The following ERAP1 variants were observed in gnomAD, a reference collection of about 807,000 sequenced individuals.
The protein encoded by ERAP1 is endoplasmic reticulum aminopeptidase 1.
In ERAP1, 86 loss-of-function variants were observed where a neutral mutation model predicts 103.7. The observed-to-expected ratio is 0.83, with a 90% confidence interval of 0.70 to 0.99. The LOEUF (loss-of-function observed/expected upper bound fraction) is 0.99, where lower values mean the gene tolerates loss of function less well. ERAP1 is among the 50% of genes least tolerant of loss of function. ERAP1 has a pLI of 0.00. For missense variants in ERAP1, 1,009 were observed against 1,128.4 expected (o/e 0.89, Z 1.52); for synonymous variants, 398 against 402.4 (o/e 0.99, Z 0.13).
intron 13 of ERAP1, 151 bp from the exon 14 acceptor site, chr5:96,784,231 A>G: frequency 1.3e-6 from 1 of 796,572 alleles, no homozygotes; most frequent in Non-Finnish European, 2.0e-6. Context: ...GCGGTGGCTC[A>G]TGCCTGTAAT....
At chr5:96,898,611 T>G in the ERAP1 span, among the ~76,000 whole-genome samples, 90,648 of 146,168 alleles carry the variant, frequency 0.62, 28,284 homozygotes, top group Middle Eastern at 0.73. Context: ...GTCTGGTGGA[T>G]CACCTGTAAT....
chr5:96,832,052 G>A, the ERAP1 span, among the ~76,000 whole-genome samples: 2 of 152,206 alleles, frequency 1.3e-5, no homozygotes, highest in Non-Finnish European at 2.9e-5. Context: ...CTAAGAGATG[G>A]GGAAATCCTG....
At chr5:96,818,790 A>G in the ERAP1 span, among the ~76,000 whole-genome samples, 1 of 152,156 alleles carries the variant, frequency 6.6e-6, no homozygotes, top group African/African-American at 2.4e-5. Context: ...CTATTCACTT[A>G]AAGGAAGGTA....
chr5:96,899,947 T>G, the ERAP1 span, among the ~76,000 whole-genome samples: 1 of 152,224 alleles, frequency 6.6e-6, no homozygotes, highest in Non-Finnish European at 1.5e-5. Context: ...TTTGTGGACT[T>G]CTATCCCAGG....
chr5:96,914,425 C>T, the ERAP1 span, among the ~76,000 whole-genome samples: 4 of 152,158 alleles, frequency 2.6e-5, no homozygotes, highest in Admixed American at 2.0e-4. Context: ...AAGGAGTTGA[C>T]GTCCACATGA....
At chr5:96,762,224 T>A in exon 20 of ERAP1, 1 of 1,218,104 alleles carries the variant, frequency 8.2e-7, no homozygotes, top group Non-Finnish European at 1.2e-6. Flanking sequence ...GGCATTGTGC[T>A]CATAATTTTA....
the ERAP1 span, among the ~76,000 whole-genome samples, chr5:96,844,628 G>A: frequency 5.3e-5 from 8 of 152,192 alleles, no homozygotes; most frequent in African/African-American, 1.9e-4. Context: ...TTAGAAGGCA[G>A]GACTGGTTTC....
At chr5:96,777,853 T>C (rs1397267999) in intron 18 of ERAP1, among the ~76,000 whole-genome samples, 1 of 152,242 alleles carries the variant, frequency 6.6e-6, no homozygotes, top group African/African-American at 2.4e-5. Flanking sequence ...CTCTTCTGTC[T>C]TCACCTGCCT....
At chr5:96,801,066 G>T (rs773096496) in intron 2 of ERAP1, 66 bp from the exon 3 acceptor site, 37 of 1,549,760 alleles carry the variant, frequency 2.4e-5, no homozygotes, top group Admixed American at 5.1e-5. Context: ...ACAGGTGTTT[G>T]CTTTTTAATT....
chr5:96,901,577 C>T, the ERAP1 span: 6 of 1,613,942 alleles, frequency 3.7e-6, no homozygotes, highest in South Asian at 5.5e-5. Flanking sequence ...AAGGAATCCC[C>T]CTGCTGGTGG....
At chr5:96,891,437 A>T in the ERAP1 span, among the ~76,000 whole-genome samples, 4 of 150,080 alleles carry the variant, frequency 2.7e-5, no homozygotes, top group Non-Finnish European at 4.4e-5. Flanking sequence ...ATACAGGTAC[A>T]TATATATGTA....
At chr5:96,783,829 ACACACACACACAC>A in intron 14 of ERAP1, 82 bp downstream of exon 14, 2 of 298,054 alleles carry the variant, frequency 6.7e-6, no homozygotes, top group Non-Finnish European at 1.4e-5. Flanking sequence ...ACACACACAC[ACACACACACACAC>A]ACACACACAC....
chr5:96,761,513 T>C (rs1180129501), exon 20 of ERAP1: 1 of 152,262 alleles, frequency 6.6e-6, no homozygotes, highest in African/African-American at 2.4e-5. Context: ...TGTGCTTTTC[T>C]CCATCTTTTG....
At chr5:96,830,382 T>C in the ERAP1 span, among the ~76,000 whole-genome samples, 3 of 152,286 alleles carry the variant, frequency 2.0e-5, no homozygotes, top group Admixed American at 6.5e-5. Flanking sequence ...ATTCCCCCAC[T>C]CCAGGTTTGT....
chr5:96,766,082 G>A, intron 19 of ERAP1: 1 of 1,610,438 alleles, frequency 6.2e-7, no homozygotes, highest in Non-Finnish European at 8.5e-7. Flanking sequence ...ATAGAGACAA[G>A]CTTGGAGAAA....
At chr5:96,818,874 T>A in the ERAP1 span, among the ~76,000 whole-genome samples, 1 of 151,956 alleles carries the variant, frequency 6.6e-6, no homozygotes, top group Non-Finnish European at 1.5e-5. Context: ...TAAATTCCAA[T>A]GAAGCCAAAC....
the ERAP1 span, among the ~76,000 whole-genome samples, chr5:96,864,183 C>T: frequency 7.9e-5 from 12 of 152,134 alleles, no homozygotes; most frequent in African/African-American, 2.9e-4. Context: ...ACACAAAAAG[C>T]TGCTAAATGA....
Position 96,775,847 on chromosome 5 carries a change from C to T in ERAP1, c.*549G>A. On this transcript the variant is annotated 3_prime_UTR_variant, in exon 19 of 19. Coordinates refer to ENST00000443439, the MANE Select transcript of ERAP1 (RefSeq NM_001040458.3). ...CCAGCTCCAGCTCTCCGGCTCCCCA[C>T]TGACCAACATCCAAAGGGCAAGAAA... 1.7e-6 allele frequency: 1 copy of T among 587,994 alleles called. No individual in the cohort carries two copies. Among genetic ancestry groups the T allele is most frequent in the Non-Finnish European group, 2.1e-6 (1 of 465,276 alleles). 36.4% of individuals were successfully genotyped at this position (587,994 alleles called of 1,614,324 possible).
chr5:96,897,760 A>G, the ERAP1 span, among the ~76,000 whole-genome samples: 2 of 152,226 alleles, frequency 1.3e-5, no homozygotes, highest in Non-Finnish European at 2.9e-5. Context: ...TTATAGAACC[A>G]TTAGACCCAG....
Sources: allele counts gnomAD v4.1 joint callset (sites outside exome capture counted in the v4.1 genomes callset), GRCh38; gene constraint gnomAD v4.1.1; transcripts MANE v1.5; gene names NCBI Gene and HGNC (gene_info 2026-07-23, HGNC 2026-07-21).